Variants in WDR59 observed in about 807,000 individuals in gnomAD.
The protein encoded by WDR59 is WD repeat domain 59.
WDR59 carries 100 observed loss-of-function variants against 131.2 expected under a neutral mutation model. The ratio of observed to expected loss-of-function variants is 0.76; its 90% confidence interval spans 0.65 to 0.90. The LOEUF (loss-of-function observed/expected upper bound fraction) is 0.90. Among genes scored for constraint, WDR59 ranks in the 40% least tolerant of loss-of-function variants. The pLI is 0.00. For missense variants in WDR59, 1,203 were observed against 1,262.2 expected, an observed-to-expected ratio of 0.95 and a Z score of 0.71; for synonymous variants, 601 against 466.2, an observed-to-expected ratio of 1.29 and a Z score of -3.72.
intron 10 of WDR59, among the ~76,000 whole-genome samples, chr16:74,919,499 A>AT (rs11407330): frequency 0.38 from 55,278 of 145,116 alleles, 10,333 homozygotes; most frequent in African/African-American, 0.45. Flanking sequence ...CACCTGGCTA[A>AT]TTTTTTTTTT....
rs1330227128 is a variant in WDR59 at position 74,951,550 on chromosome 16, AG to A, written c.241-8del. ...GGTCTACTCGTTGGTTACTCTGAAA[AG>A]AAAGGAAAGAAGGCCACAGGCAAGT... On this transcript the variant is annotated splice_polypyrimidine_tract_variant and splice_region_variant and intron_variant, in intron 3 of 25. Coordinates refer to ENST00000262144, the MANE Select transcript of WDR59 (RefSeq NM_030581.4). 1.1e-5 allele frequency: 18 copies of A among 1,580,094 alleles called. No individual in the cohort carries two copies. Among genetic ancestry groups the A allele is most frequent in the Non-Finnish European group, 1.5e-5 (18 of 1,162,360 alleles).
intron 21 of WDR59, among the ~76,000 whole-genome samples, chr16:74,889,383 G>T (rs1417896017): frequency 6.6e-6 from 1 of 152,120 alleles, no homozygotes; most frequent in Non-Finnish European, 1.5e-5. Flanking sequence ...GAGCTTTCAA[G>T]AAGAAACTTA....
Position 74,948,576 on chromosome 16 carries a change from A to T in WDR59, c.408-20T>A. On this transcript the variant is annotated intron_variant, in intron 5 of 25. Coordinates refer to ENST00000262144, the MANE Select transcript of WDR59 (RefSeq NM_030581.4). ...GTGTCTCTGAAATATAAAAATAAAA[A>T]ATCAAATCCCCAATTTATATGCCAC... is the stretch of plus-strand genomic sequence containing the variant. 1 of 1,606,830 alleles carries T rather than the reference A, an allele frequency of 6.2e-7. No homozygotes were observed. The highest frequency in any genetic ancestry group is 8.5e-7 in the Non-Finnish European group (1 of 1,173,412).
chr16:74,912,857 G>T (rs1182141069), intron 13 of WDR59, among the ~76,000 whole-genome samples: 2 of 152,272 alleles, frequency 1.3e-5, no homozygotes, highest in Admixed American at 1.3e-4. Flanking sequence ...ATCTGCAGCA[G>T]GAGTATGTCT....
chr16:74,910,843 G>T (rs566056583), intron 14 of WDR59, among the ~76,000 whole-genome samples: 13 of 151,942 alleles, frequency 8.6e-5, no homozygotes, highest in Non-Finnish European at 1.9e-4. Context: ...CATGATCTCC[G>T]CTCACTGCAG....
intron 1 of WDR59, among the ~76,000 whole-genome samples, chr16:74,969,457 G>C (rs1249520078): frequency 1.3e-5 from 2 of 151,994 alleles, no homozygotes; most frequent in Admixed American, 6.6e-5. Flanking sequence ...ATTTTTAGTA[G>C]AGACGGGGTT....
At chr16:74,962,060 T>C (rs1424379772) in intron 2 of WDR59, among the ~76,000 whole-genome samples, 1 of 152,196 alleles carries the variant, frequency 6.6e-6, no homozygotes, top group Non-Finnish European at 1.5e-5. Flanking sequence ...CTTTCCCCAT[T>C]GATTGTTTTT....
intron 8 of WDR59, among the ~76,000 whole-genome samples, chr16:74,935,916 G>C (rs529265640): frequency 6.6e-6 from 1 of 151,576 alleles, no homozygotes; most frequent in African/African-American, 2.4e-5. Flanking sequence ...AGAATCGCTT[G>C]AACCTGGGAG....
rs76563127 is a variant in WDR59, at chr16:74,885,589, G to A, written c.2689+64C>T. Reference sequence around the variant, plus strand: ...GAAACTTCATTCCAAGTCTGAGGCTGTGGACATATTAAATTACAGGATCTT... The same window carrying A: ...GAAACTTCATTCCAAGTCTGAGGCTATGGACATATTAAATTACAGGATCTT... On this transcript the variant is annotated intron_variant, in intron 25 of 25. Coordinates refer to ENST00000262144, the MANE Select transcript of WDR59 (RefSeq NM_030581.4). 3.4e-3 allele frequency: 5,369 copies of A among 1,575,134 alleles called. 111 individuals carry two copies. In the African/African-American group the frequency reaches 0.052, roughly 15 times the overall value.
intron 7 of WDR59, among the ~76,000 whole-genome samples, chr16:74,939,928 T>C (rs926292586): frequency 6.6e-6 from 1 of 152,128 alleles, no homozygotes; most frequent in Non-Finnish European, 1.5e-5. Context: ...GAGGCTGCAG[T>C]GAGCTATGAT....
chr16:74,919,763 G>C (rs556315115), intron 10 of WDR59, among the ~76,000 whole-genome samples: 7 of 152,174 alleles, frequency 4.6e-5, no homozygotes, highest in Non-Finnish European at 1.0e-4. Flanking sequence ...TCCCTCAGGA[G>C]GCATCCTTGT....
At chr16:74,948,356 C>A (rs2032779256) in intron 6 of WDR59, among the ~76,000 whole-genome samples, 163 bp downstream of exon 6, 1 of 152,160 alleles carries the variant, frequency 6.6e-6, no homozygotes, top group Non-Finnish European at 1.5e-5. Flanking sequence ...GAGCCCCTTG[C>A]AACAACATGA....
chr16:74,889,624 T>C (rs971134230), intron 21 of WDR59, 79 bp downstream of exon 21: 2 of 1,108,326 alleles, frequency 1.8e-6, no homozygotes, highest in Admixed American at 2.0e-5. Context: ...ACCTTTCTCT[T>C]AGGTGGTGAC....
chr16:74,909,423 A>G, intron 16 of WDR59, 78 bp downstream of exon 16: 1 of 1,435,770 alleles, frequency 7.0e-7, no homozygotes, highest in South Asian at 1.7e-5. Context: ...TTTTCTGATG[A>G]AGATGTTTAT....
At chr16:74,943,753 C>CT (rs1301365652) in intron 6 of WDR59, among the ~76,000 whole-genome samples, 1 of 152,118 alleles carries the variant, frequency 6.6e-6, no homozygotes. Context: ...AGATCCACAG[C>CT]TTTGGGGAGC....
intron 8 of WDR59, among the ~76,000 whole-genome samples, chr16:74,928,114 G>A (rs958179268): frequency 4.6e-5 from 7 of 151,188 alleles, no homozygotes; most frequent in Admixed American, 1.3e-4. Flanking sequence ...CACCATGTTG[G>A]CCAGGATTAG....
At chr16:74,894,066 A>G (rs538586833) in intron 18 of WDR59, 15 of 388,542 alleles carry the variant, frequency 3.9e-5, no homozygotes, top group African/African-American at 2.8e-4. Flanking sequence ...TCAGGAAGCC[A>G]GGATTAATAC....
At chr16:74,941,122 A>C (rs1293362595) in intron 7 of WDR59, among the ~76,000 whole-genome samples, 1 of 151,652 alleles carries the variant, frequency 6.6e-6, no homozygotes, top group Non-Finnish European at 1.5e-5. Context: ...AGGTGGGAGG[A>C]TCGCTTGACC....
intron 3 of WDR59, among the ~76,000 whole-genome samples, chr16:74,955,942 T>C (rs2033269160): frequency 6.6e-6 from 1 of 152,006 alleles, no homozygotes; most frequent in South Asian, 2.1e-4. Flanking sequence ...ACAAAACTTA[T>C]ACATGTTTTC....
Sources: gnomAD v4.1 joint callset for allele counts (sites outside exome capture counted in the v4.1 genomes callset) on GRCh38, gnomAD v4.1.1 for gene constraint, MANE v1.5 for transcripts, NCBI Gene and HGNC (gene_info 2026-07-23, HGNC 2026-07-21) for gene names.